PDZRN3: variants seen among roughly 807,000 people sequenced by gnomAD.
PDZRN3 encodes the protein PDZ domain containing ring finger 3, also known as E3 ubiquitin-protein ligase PDZRN3.
In PDZRN3, 38 loss-of-function variants were observed where a neutral mutation model predicts 85.7. The observed-to-expected ratio is 0.44, with a 90% confidence interval of 0.34 to 0.58. PDZRN3 has a LOEUF of 0.58. PDZRN3 is among the 20% of genes least tolerant of loss of function. PDZRN3 has a pLI of 0.01. For synonymous variants in PDZRN3, 759 were observed against 638.0 expected, an observed-to-expected ratio of 1.19 and a Z score of -2.86; for missense variants, 1,629 against 1,506.4, an observed-to-expected ratio of 1.08 and a Z score of -1.35.
intron 2 of PDZRN3, among the ~76,000 whole-genome samples, chr3:73,603,692 C>T (rs1261344238): frequency 2.6e-5 from 4 of 152,070 alleles, no homozygotes; most frequent in Non-Finnish European, 5.9e-5. Flanking sequence ...TCAAATAAAA[C>T]ATTTTCCACT....
intron 3 of PDZRN3, among the ~76,000 whole-genome samples, chr3:73,582,959 C>A (rs548109753): frequency 6.6e-6 from 1 of 152,144 alleles, no homozygotes; most frequent in Non-Finnish European, 1.5e-5. Flanking sequence ...TATAGCCTTA[C>A]ATTTTTTGCA....
At chr3:73,457,112 G>A (rs556419170) in intron 3 of PDZRN3, among the ~76,000 whole-genome samples, 5 of 152,078 alleles carry the variant, frequency 3.3e-5, no homozygotes, top group South Asian at 2.1e-4. Context: ...TCACTCTGTC[G>A]CCCAGGCTGG....
At chr3:73,531,592 T>C (rs546467974) in intron 3 of PDZRN3, among the ~76,000 whole-genome samples, 1 of 152,266 alleles carries the variant, frequency 6.6e-6, no homozygotes, top group East Asian at 1.9e-4. Flanking sequence ...AGCTGCATTC[T>C]CAATCAAAGA....
chr3:73,554,552 C>A (rs1701645787), intron 3 of PDZRN3, among the ~76,000 whole-genome samples: 1 of 152,064 alleles, frequency 6.6e-6, no homozygotes, highest in Non-Finnish European at 1.5e-5. Context: ...AATGTACGTT[C>A]AAAGGGAAAT....
chr3:73,497,787 G>T (rs1306696955), intron 3 of PDZRN3, among the ~76,000 whole-genome samples: 1 of 151,458 alleles, frequency 6.6e-6, no homozygotes, highest in African/African-American at 2.5e-5. Context: ...CTCATTTAGG[G>T]CCGGCACAGC....
At chr3:73,387,582 A>G (rs1427599695) in intron 8 of PDZRN3, among the ~76,000 whole-genome samples, 1 of 152,202 alleles carries the variant, frequency 6.6e-6, no homozygotes, top group Non-Finnish European at 1.5e-5. Context: ...AATTTGAAAG[A>G]GCAAGTTTTA....
At chr3:73,522,508 C>A (rs1269181123) in intron 3 of PDZRN3, among the ~76,000 whole-genome samples, 1 of 152,168 alleles carries the variant, frequency 6.6e-6, no homozygotes, top group Admixed American at 6.5e-5. Flanking sequence ...CCTTAGTCTC[C>A]TTGGCAGTAA....
At chr3:73,576,801 T>C (rs1163782064) in intron 3 of PDZRN3, among the ~76,000 whole-genome samples, 1 of 152,198 alleles carries the variant, frequency 6.6e-6, no homozygotes, top group Non-Finnish European at 1.5e-5. Context: ...TGTGTTACTA[T>C]ACATTTAGAG....
chr3:73,441,344 C>T (rs138095507), intron 3 of PDZRN3, among the ~76,000 whole-genome samples: 153 of 121,548 alleles, frequency 1.3e-3, no homozygotes, highest in Admixed American at 2.5e-3. Context: ...ACCTGGGAGG[C>T]GGAGGTTGCT....
At chr3:73,574,552 G>A (rs1702092928) in intron 3 of PDZRN3, among the ~76,000 whole-genome samples, 1 of 151,698 alleles carries the variant, frequency 6.6e-6, no homozygotes, top group Non-Finnish European at 1.5e-5. Flanking sequence ...TCCACCTCCC[G>A]TGTTCAAGCA....
chr3:73,471,195 A>G (rs1184452941), intron 3 of PDZRN3, among the ~76,000 whole-genome samples: 1 of 152,192 alleles, frequency 6.6e-6, no homozygotes, highest in Non-Finnish European at 1.5e-5. Context: ...GAAGAGATAT[A>G]GAACACCATG....
At chr3:73,441,751 A>C (rs149273621) in intron 3 of PDZRN3, among the ~76,000 whole-genome samples, 3 of 152,308 alleles carry the variant, frequency 2.0e-5, no homozygotes, top group Non-Finnish European at 4.4e-5. Context: ...CAGGCTTTCA[A>C]AACTGGCTTC....
chr3:73,620,651 A>T (rs1440901985), intron 1 of PDZRN3, among the ~76,000 whole-genome samples: 1 of 145,738 alleles, frequency 6.9e-6, no homozygotes, highest in African/African-American at 2.6e-5. Context: ...ATCTCCGCTT[A>T]CTGCAAGCTC....
intron 3 of PDZRN3, among the ~76,000 whole-genome samples, chr3:73,507,325 T>C (rs6549548): frequency 1 from 152,132 of 152,314 alleles, 75,976 homozygotes; most frequent in Middle Eastern, 1. Context: ...CCTGCCACCA[T>C]ATGCCTGGAT....
intron 3 of PDZRN3, among the ~76,000 whole-genome samples, chr3:73,413,864 G>A (rs916194154): frequency 6.6e-6 from 1 of 152,160 alleles, no homozygotes; most frequent in Non-Finnish European, 1.5e-5. Flanking sequence ...TTTACCCTGA[G>A]AACCAAGTCA....
Position 73,624,272 on chromosome 3 carries a change from TTGAG to T in PDZRN3, c.550_553del (p.Leu184ArgfsTer27). 1 of 1,417,472 alleles carries T rather than the reference TTGAG, an allele frequency of 7.1e-7. No homozygotes were observed. Among genetic ancestry groups the T allele is most frequent in the South Asian group, 1.5e-5 (1 of 66,814 alleles). 87.8% of individuals were successfully genotyped at this position (1,417,472 alleles called of 1,614,324 possible). On this transcript the variant is annotated frameshift_variant, in exon 1 of 10. Transcript: ENST00000263666. LOFTEE classifies it high-confidence loss of function. ...CTTCCCAGCGCGCAGCGCCTCCTTC[TTGAG>T]CGCCTTGTGCAGCGCGCCCAGGCGG...
chr3:73,624,540 G>C lies in PDZRN3; in HGVS notation c.286C>G (p.Gln96Glu), dbSNP rs371374984. Reference protein sequence around the residue: ...TRGCGRVVKLQQLPEHLERCD... With the variant: ...TRGCGRVVKLEQLPEHLERCD... ...CGCTCGAGGTGCTCCGGCAGCTGCTGCAGCTTGACCACCCGGCCGCAGCCG... is the reference window on the plus strand; with the variant it reads ...CGCTCGAGGTGCTCCGGCAGCTGCTCCAGCTTGACCACCCGGCCGCAGCCG... Residue 96 changes from glutamine to glutamate, a missense_variant, in exon 1 of 10, where the codon CAG (glutamine) becomes GAG (glutamate). Physicochemically the swap from Gln to Glu is conservative, Grantham distance 29 (BLOSUM62 2). Coordinates refer to ENST00000263666, the MANE Select transcript of PDZRN3 (RefSeq NM_015009.3). 34 of 1,501,058 alleles carry C rather than the reference G, an allele frequency of 2.3e-5. No homozygotes were observed. The highest frequency in any genetic ancestry group is 3.0e-5 in the Non-Finnish European group (34 of 1,131,112). 93.0% of individuals were successfully genotyped at this position (1,501,058 alleles called of 1,614,324 possible).
intron 3 of PDZRN3, among the ~76,000 whole-genome samples, chr3:73,479,543 G>A (rs1255858970): frequency 6.6e-6 from 1 of 152,214 alleles, no homozygotes; most frequent in Non-Finnish European, 1.5e-5. Flanking sequence ...ATCGGTGCAT[G>A]GCTCAGCCTG....
intron 5 of PDZRN3, among the ~76,000 whole-genome samples, chr3:73,396,084 A>C (rs764963021): frequency 1.3e-5 from 2 of 152,146 alleles, no homozygotes; most frequent in Non-Finnish European, 2.9e-5. Flanking sequence ...TTAGCCAGGT[A>C]TGGTGGCACA....
Sources: gnomAD v4.1 joint callset for allele counts (sites outside exome capture counted in the v4.1 genomes callset) on GRCh38, gnomAD v4.1.1 for gene constraint, MANE v1.5 for transcripts, NCBI Gene and HGNC (gene_info 2026-07-23, HGNC 2026-07-21) for gene names.